SLIT2: variants seen among roughly 807,000 people sequenced by gnomAD.
SLIT2 encodes slit homolog 2 protein.
A neutral mutation model predicts 185.7 loss-of-function variants in SLIT2; 41 were observed. The ratio of observed to expected loss-of-function variants is 0.22; its 90% CI spans 0.17 to 0.29. The LOEUF is 0.29. Among genes scored for constraint, SLIT2 ranks in the 10% least tolerant of loss-of-function variants. The pLI is 1.00. For synonymous variants in SLIT2, 693 were observed against 680.2 expected (o/e 1.02, Z -0.29); for missense variants, 1,571 against 1,909.0 (o/e 0.82, Z 3.30).
At chr4:20,572,158 G>A (rs1409886671) in intron 29 of SLIT2, among the ~76,000 whole-genome samples, 2 of 152,168 alleles carry the variant, frequency 1.3e-5, no homozygotes, top group East Asian at 1.9e-4. Flanking sequence ...TGAATTGTAA[G>A]GACAAGTACT....
intron 4 of SLIT2, among the ~76,000 whole-genome samples, chr4:20,369,962 G>C (rs565614940): frequency 1.3e-5 from 2 of 151,986 alleles, no homozygotes; most frequent in East Asian, 3.9e-4. Context: ...CTTTCCTTAC[G>C]TGAATGATTC....
chr4:20,267,850 G>A (rs550587179), intron 3 of SLIT2, among the ~76,000 whole-genome samples: 41 of 151,624 alleles, frequency 2.7e-4, no homozygotes, highest in Non-Finnish European at 5.5e-4. Flanking sequence ...TTACCTTCTG[G>A]AACTATATCC....
Position 20,251,964 on chromosome 4 carries a change from G to T in SLIT2, c.-1852G>T, listed in dbSNP as rs879432992. Reference sequence around the variant, plus strand: ...GCGGAGCTTGGCGGCGGCGGTGGTGGTGGCTGCCGCAGACTGTGGTTAAAA... The same window carrying T: ...GCGGAGCTTGGCGGCGGCGGTGGTGTTGGCTGCCGCAGACTGTGGTTAAAA... On this transcript the variant is annotated 5_prime_UTR_variant, in exon 1 of 37. Transcript: ENST00000504154. Among the ~76,000 whole-genome samples, 2 of 152,124 alleles carry T rather than the reference G, an allele frequency of 1.3e-5. No homozygotes were observed. The highest frequency in any genetic ancestry group is 1.3e-4 in the Admixed American group (2 of 15,284).
At chr4:20,536,673 CT>C (rs1022224085) in intron 18 of SLIT2, among the ~76,000 whole-genome samples, 7 of 150,564 alleles carry the variant, frequency 4.6e-5, no homozygotes, top group African/African-American at 9.8e-5. Context: ...CTTACTGTGA[CT>C]TTTTTACTTT....
chr4:20,522,384 A>G (rs988519439), intron 12 of SLIT2, among the ~76,000 whole-genome samples: 6 of 152,166 alleles, frequency 3.9e-5, no homozygotes, highest in Non-Finnish European at 8.8e-5. Context: ...ATGGAGAAAA[A>G]GAATATTATT....
chr4:20,535,282 T>C (rs1357143238), intron 18 of SLIT2, among the ~76,000 whole-genome samples: 1 of 151,698 alleles, frequency 6.6e-6, no homozygotes, highest in African/African-American at 2.4e-5. Context: ...CTGGGTGACA[T>C]AGTGAGATTC....
intron 3 of SLIT2, among the ~76,000 whole-genome samples, chr4:20,260,277 A>C (rs1349328922): frequency 6.7e-6 from 1 of 150,260 alleles, no homozygotes; most frequent in African/African-American, 2.4e-5. Context: ...GTGAGAGACA[A>C]GAAGAAATCA....
intron 4 of SLIT2, among the ~76,000 whole-genome samples, chr4:20,424,528 A>T (rs1560411674): frequency 6.6e-6 from 1 of 151,978 alleles, no homozygotes; most frequent in East Asian, 2.0e-4. Context: ...TTCACAGAAC[A>T]TACATGTCAT....
At chr4:20,343,924 C>T (rs1253588064) in intron 4 of SLIT2, among the ~76,000 whole-genome samples, 1 of 151,972 alleles carries the variant, frequency 6.6e-6, no homozygotes, top group Admixed American at 6.6e-5. Context: ...GATCTCACCT[C>T]ACTGTAACCT....
chr4:20,415,632 G>C (rs913962546), intron 4 of SLIT2, among the ~76,000 whole-genome samples: 1 of 152,014 alleles, frequency 6.6e-6, no homozygotes, highest in South Asian at 2.1e-4. Flanking sequence ...AAGGCAATTT[G>C]TAAATAAACC....
chr4:20,413,244 G>T (rs1727392672), intron 4 of SLIT2, among the ~76,000 whole-genome samples: 1 of 151,928 alleles, frequency 6.6e-6, no homozygotes, highest in Non-Finnish European at 1.5e-5. Context: ...GCTTATTTAA[G>T]TATGTTGTTG....
At position 20,253,851 on chromosome 4, in the gene SLIT2, G is replaced by A. The variant is rs781434127; in HGVS notation, c.36G>A (p.Ser12=). The part of the protein sequence containing the change: ...RGVGWQMLSL[S]LGLVLAILNK... ...TTGGCTGGCAGATGCTGTCCCTGTC[G>A]CTGGGGTTAGTGCTGGCGATCCTGA... The change falls in exon 1 of 37, where the codon TCG becomes TCA. Residue 12 remains serine (S), a synonymous_variant. Coordinates refer to ENST00000504154, the MANE Select transcript of SLIT2 (RefSeq NM_004787.4). 6.9e-6 allele frequency: 11 copies of A among 1,600,142 alleles called. No homozygotes were observed. Among genetic ancestry groups the A allele is most frequent in the Non-Finnish European group, 5.1e-6 (6 of 1,179,892 alleles).
chr4:20,307,658 G>A (rs908421539), intron 4 of SLIT2, among the ~76,000 whole-genome samples: 1 of 152,168 alleles, frequency 6.6e-6, no homozygotes, highest in Non-Finnish European at 1.5e-5. Context: ...AGACATTCAA[G>A]ACAATGGGGT....
intron 36 of SLIT2, among the ~76,000 whole-genome samples, chr4:20,617,855 C>A (rs1487345287): frequency 6.6e-6 from 1 of 152,080 alleles, no homozygotes; most frequent in Non-Finnish European, 1.5e-5. Context: ...TTTGAAGGCA[C>A]CAGCTGTGAA....
intron 4 of SLIT2, among the ~76,000 whole-genome samples, chr4:20,307,153 T>C (rs1450295693): frequency 2.5e-5 from 1 of 39,554 alleles, no homozygotes; most frequent in Non-Finnish European, 4.3e-5. Flanking sequence ...CCTCCCTCCC[T>C]CCCTCCCTCC....
chr4:20,268,027 A>G (rs923357876), intron 3 of SLIT2, among the ~76,000 whole-genome samples: 1 of 151,926 alleles, frequency 6.6e-6, no homozygotes, highest in Non-Finnish European at 1.5e-5. Context: ...CACTGAAAAC[A>G]GATGGGATTG....
At chr4:20,347,498 G>A (rs756801633) in intron 4 of SLIT2, among the ~76,000 whole-genome samples, 6 of 152,124 alleles carry the variant, frequency 3.9e-5, no homozygotes, top group Non-Finnish European at 7.3e-5. Flanking sequence ...TTTTTTAGTA[G>A]GCACTGGGTG....
intron 4 of SLIT2, among the ~76,000 whole-genome samples, chr4:20,424,214 T>C (rs894521795): frequency 2.0e-5 from 3 of 152,148 alleles, no homozygotes; most frequent in African/African-American, 7.2e-5. Context: ...AAAACACTTT[T>C]ATCTGCTTAT....
intron 5 of SLIT2, among the ~76,000 whole-genome samples, chr4:20,469,829 C>T (rs931110886): frequency 4.3e-5 from 6 of 140,694 alleles, no homozygotes; most frequent in Admixed American, 3.1e-4. Context: ...AATCTCAGCT[C>T]ACTGCAACCT....
Sources: gnomAD v4.1 joint callset for allele counts (sites outside exome capture counted in the v4.1 genomes callset) on GRCh38, gnomAD v4.1.1 for gene constraint, MANE v1.5 for transcripts, NCBI Gene and HGNC (gene_info 2026-07-23, HGNC 2026-07-21) for gene names.